CLEC12B: variants seen among roughly 807,000 people sequenced by gnomAD.
CLEC12B encodes the protein macrophage antigen h.
In CLEC12B, 25 loss-of-function variants were observed where a neutral mutation model predicts 36.1. That is an observed-to-expected ratio of 0.69 (90% confidence interval 0.50 to 0.97). CLEC12B has a LOEUF of 0.97. Among genes scored for constraint, CLEC12B ranks in the 50% least tolerant of loss-of-function variants. The pLI, the probability that CLEC12B is intolerant of heterozygous loss-of-function variation, is 0.00. For missense variants in CLEC12B, 325 were observed against 318.4 expected (o/e 1.02, Z -0.16); for synonymous variants, 110 against 108.5 (o/e 1.01, Z -0.09).
intron 1 of CLEC12B, among the ~76,000 whole-genome samples, chr12:10,012,452 C>G (rs547342164): frequency 6.6e-6 from 1 of 151,976 alleles, no homozygotes; most frequent in Non-Finnish European, 1.5e-5. Flanking sequence ...GCACAATGTG[C>G]AGGTTAGTTA....
At position 10,017,133 on chromosome 12, in the gene CLEC12B, T is replaced by C. The variant is rs569578800; in HGVS notation, c.681-1198T>C. On this transcript the variant is annotated intron_variant, in intron 5 of 5. Coordinates refer to ENST00000338896, the MANE Select transcript of CLEC12B (RefSeq NM_001129998.3). ...CTTTATCTTCATCCATTTCCCAATG[T>C]TTTGTCATGGCTATTTCTACTCAAA... The C allele has an allele frequency of 5.4e-4, 535 of 985,232 alleles. 1 individual carries two copies. Among genetic ancestry groups the C allele is most frequent in the Non-Finnish European group, 6.3e-4 (521 of 829,880 alleles). The allele number at this position is 985,232 out of a possible 1,614,324, so 61.0% of individuals were successfully genotyped here. A position where few individuals can be genotyped will look rare whatever the true frequency, so the allele number is the denominator to read the frequency against.
chr12:10,006,921 G>A, upstream of CLEC12B, among the ~76,000 whole-genome samples: 1 of 151,996 alleles, frequency 6.6e-6, no homozygotes, highest in Non-Finnish European at 1.5e-5. Flanking sequence ...CGGGCGGGGT[G>A]GCAGGCGCCT....
At chr12:10,012,764 T>C (rs1190192065) in intron 1 of CLEC12B, 21 bp from the exon 2 acceptor site, 1 of 1,594,608 alleles carries the variant, frequency 6.3e-7, no homozygotes, top group Admixed American at 1.7e-5. Flanking sequence ...GTGTGCTGAT[T>C]GCTCTTTTGG....
At chr12:10,006,628 G>A (rs1844341106), upstream of CLEC12B, among the ~76,000 whole-genome samples, 1 of 152,106 alleles carries the variant, frequency 6.6e-6, no homozygotes, top group South Asian at 2.1e-4. Flanking sequence ...GGAGAAGAAA[G>A]TTTGTCACGA....
chr12:10,010,849 A>T lies in CLEC12B; in HGVS notation c.90A>T (p.Arg30Ser), dbSNP rs1865311867. Residue 30 changes from arginine (R) to serine (S), a missense_variant and splice_region_variant, in exon 1 of 6, where the codon AGA becomes AGT. Transcript: ENST00000338896. ...GAGATGGAAATAACCTAAGAAAAAG[A>T]GGTAGGAGTTCAGAGAAGACCAGCT... ...NNRDGNNLRKRGHPAPSPIWR... is the reference protein window; with the variant it reads ...NNRDGNNLRKSGHPAPSPIWR... 1 of 1,603,506 alleles carries T rather than the reference A, an allele frequency of 6.2e-7. No individual in the cohort carries two copies. Among genetic ancestry groups the T allele is most frequent in the African/African-American group, 1.3e-5 (1 of 74,682 alleles).
chr12:10,009,568 A>AC (rs1319214180), upstream of CLEC12B, among the ~76,000 whole-genome samples: 11 of 151,724 alleles, frequency 7.3e-5, 1 homozygote, highest in East Asian at 5.8e-4. Context: ...TTTGAAAAAA[A>AC]AAAAAACAAA....
chr12:10,015,881 T>C, intron 5 of CLEC12B, 154 bp downstream of exon 5: 1 of 1,449,428 alleles, frequency 6.9e-7, no homozygotes, highest in South Asian at 1.5e-5. Context: ...GGAGGTATAG[T>C]TCATTTCATC....
chr12:10,014,348 A>G (rs1176418015), intron 2 of CLEC12B, among the ~76,000 whole-genome samples, 175 bp from the exon 3 acceptor site: 1 of 152,202 alleles, frequency 6.6e-6, no homozygotes, highest in Non-Finnish European at 1.5e-5. Flanking sequence ...AAAATTATAA[A>G]GAACTATAAA....
chr12:10,015,676 C>A lies in CLEC12B; in HGVS notation c.629C>A (p.Ser210Tyr), dbSNP rs757664427. Residue 210 changes from serine (S) to tyrosine (Y), a missense_variant, in exon 5 of 6, where the codon TCC (serine) becomes TAC (tyrosine). By Grantham distance (144) the Ser-to-Tyr change is moderately radical (BLOSUM62 -2). Coordinates refer to ENST00000338896, the MANE Select transcript of CLEC12B (RefSeq NM_001129998.3). ...SFFWLGLSWDSSGRSWFWEDG... is the reference protein window; with the variant it reads ...SFFWLGLSWDYSGRSWFWEDG... ...TTTTGGCTGGGATTATCATGGGACTCCTCTGGCAGAAGTTGGTTCTGGGAA... is the reference window on the plus strand; with the variant it reads ...TTTTGGCTGGGATTATCATGGGACTACTCTGGCAGAAGTTGGTTCTGGGAA... The A allele has an allele frequency of 6.2e-7, 1 of 1,613,626 alleles. No homozygotes were observed. Among genetic ancestry groups the A allele is most frequent in the East Asian group, 2.2e-5 (1 of 44,874 alleles).
At chr12:10,010,192 T>A (rs1174989114), upstream of CLEC12B, among the ~76,000 whole-genome samples, 410 of 48,576 alleles carry the variant, frequency 8.4e-3, no homozygotes, top group Non-Finnish European at 0.013. Context: ...TCTCTCTCTG[T>A]CTCTCTCTCA....
In CLEC12B at chr12:10,012,860, G is replaced by T. The variant is rs1174737399; in HGVS notation, c.167G>T (p.Gly56Val). 5 of 1,613,500 alleles carry T rather than the reference G, an allele frequency of 3.1e-6. No homozygotes were observed. The highest frequency in any genetic ancestry group is 4.2e-6 in the Non-Finnish European group (5 of 1,179,624). ...LVTLCLMLLI[G>V]LVTLGMMFLQ... ...ACTCTTTGCCTGATGTTGCTGATTG[G>T]GCTGGTGACATTGGGGATGATGTGT... is the stretch of plus-strand genomic sequence containing the variant. Residue 56 changes from glycine to valine, a missense_variant, in exon 2 of 6, where the codon GGG becomes GTG. Physicochemically the swap from Gly to Val is moderately radical, Grantham distance 109. Coordinates refer to ENST00000338896, the MANE Select transcript of CLEC12B (RefSeq NM_001129998.3).
upstream of CLEC12B, among the ~76,000 whole-genome samples, chr12:10,010,200 T>TCTCACACA (rs370060573): frequency 6.9e-3 from 1,005 of 145,894 alleles, 4 homozygotes; most frequent in African/African-American, 0.012. Flanking sequence ...TGTCTCTCTC[T>TCTCACACA]CACACACACA....
At chr12:10,013,035 C>T in intron 2 of CLEC12B, 152 bp downstream of exon 2, 1 of 646,412 alleles carries the variant, frequency 1.5e-6, no homozygotes, top group Non-Finnish European at 2.7e-6. Flanking sequence ...CATATCTTCC[C>T]AAAAAACCGG....
chr12:10,012,997 T>A, intron 2 of CLEC12B, 114 bp downstream of exon 2: 1 of 756,120 alleles, frequency 1.3e-6, no homozygotes, highest in Non-Finnish European at 2.3e-6. Flanking sequence ...CTGATACTTT[T>A]CTGCTGTCTC....
intron 2 of CLEC12B, 82 bp from the exon 3 acceptor site, chr12:10,014,441 A>C (rs74655512): frequency 0.017 from 17,152 of 1,006,858 alleles, 438 homozygotes; most frequent in African/African-American, 0.083. Context: ...TTGAACAATT[A>C]AGAAATGTTT....
chr12:10,012,993 CT>C lies in CLEC12B; in HGVS notation c.190+114del, dbSNP rs1865371795. ...TCCTAGCATCCTGAATCGTCTGATA[CT>C]TTTCTGCTGTCTCATATCTCTCCTA... is the stretch of plus-strand genomic sequence containing the variant. On this transcript the variant is annotated intron_variant, in intron 2 of 5. Transcript: ENST00000338896. The C allele has an allele frequency of 3.7e-6, 3 of 805,548 alleles. No individual in the cohort carries two copies. The South Asian group carries it at 4.2e-5, about 11-fold the overall frequency. 49.9% of individuals were successfully genotyped at this position (805,548 alleles called of 1,614,324 possible). A position where few individuals can be genotyped will look rare whatever the true frequency, so the allele number is the denominator to read the frequency against.
chr12:10,018,194 A>G (rs1865534251), intron 5 of CLEC12B, 137 bp from the exon 6 acceptor site: 2 of 673,938 alleles, frequency 3.0e-6, no homozygotes, highest in Non-Finnish European at 2.2e-6. Context: ...AGGCAGCTTC[A>G]GATTTTGAAG....
intron 2 of CLEC12B, chr12:10,013,186 C>A (rs908739954): frequency 2.9e-6 from 1 of 347,152 alleles, no homozygotes; most frequent in Admixed American, 4.9e-5. Flanking sequence ...ATTCACTTAT[C>A]ATTCCAATGC....
rs756528414 is a variant in CLEC12B at position 10,010,824 on chromosome 12, G to A, written c.65G>A (p.Arg22Gln). 3.1e-6 allele frequency: 5 copies of A among 1,611,302 alleles called. No individual in the cohort carries two copies. The highest frequency in any genetic ancestry group is 1.3e-5 in the African/African-American group (1 of 74,842). ...GATTCTGCTGGAGCAAGGAATAACC[G>A]AGATGGAAATAACCTAAGAAAAAGA... ...FQDSAGARNN[R>Q]DGNNLRKRGH... The change falls in exon 1 of 6, where the codon CGA becomes CAA. Residue 22 changes from arginine (R) to glutamine (Q), a missense_variant. Arg to Gln is a conservative substitution (Grantham distance 43). Coordinates refer to ENST00000338896, the MANE Select transcript of CLEC12B (RefSeq NM_001129998.3).
Sources: gnomAD v4.1 joint callset for allele counts (sites outside exome capture counted in the v4.1 genomes callset) on GRCh38, gnomAD v4.1.1 for gene constraint, MANE v1.5 for transcripts, NCBI Gene and HGNC (gene_info 2026-07-23, HGNC 2026-07-21) for gene names.